The following ENTPD1 variants were observed in gnomAD, a reference collection of about 807,000 sequenced individuals.
ENTPD1 encodes ATP diphosphohydrolase.
Under a neutral mutation model 57.0 loss-of-function variants are expected in ENTPD1, and 33 were observed. The observed-to-expected ratio is 0.58, with a 90% CI of 0.44 to 0.77. The LOEUF is 0.77. Among genes scored for constraint, ENTPD1 ranks in the 30% least tolerant of loss-of-function variants. The pLI is 0.00. For missense variants in ENTPD1, 501 were observed against 603.4 expected, an observed-to-expected ratio of 0.83 and a Z score of 1.78; for synonymous variants, 202 against 218.8, an observed-to-expected ratio of 0.92 and a Z score of 0.68.
chr10:95,769,178 A>G lies in ENTPD1; in HGVS notation c.16+12923A>G, dbSNP rs1363639860. 4.6e-5 allele frequency among the ~76,000 whole-genome samples: 7 copies of G among 152,236 alleles called. No homozygotes were observed. The South Asian group carries it at 8.3e-4, about 18-fold the overall frequency. ...GACTAGGGCTGTCAGAGTTCTGTCA[A>G]TATGGTTGTCCAGAGGCATAAAGGC... is the stretch of plus-strand genomic sequence containing the variant. On this transcript the variant is annotated intron_variant, in intron 1 of 9. Transcript: ENST00000371205.
chr10:95,789,870 C>A (rs1353621616), intron 1 of ENTPD1, among the ~76,000 whole-genome samples: 1 of 152,206 alleles, frequency 6.6e-6, no homozygotes. Context: ...CCTCCTCTTG[C>A]TATTACAGTG....
chr10:95,769,693 G>A (rs958030714), intron 1 of ENTPD1, among the ~76,000 whole-genome samples: 6 of 152,178 alleles, frequency 3.9e-5, no homozygotes, highest in Non-Finnish European at 8.8e-5. Flanking sequence ...GAGACTAGTC[G>A]GGAGACTACT....
At chr10:95,735,442 A>G (rs940546027) in intron 1 of ENTPD1, among the ~76,000 whole-genome samples, 1 of 152,206 alleles carries the variant, frequency 6.6e-6, no homozygotes, top group Non-Finnish European at 1.5e-5. Context: ...TATGCGTAGT[A>G]TTTCATAGAA....
chr10:95,860,687 C>A, intron 8 of ENTPD1, 105 bp downstream of exon 8: 1 of 942,352 alleles, frequency 1.1e-6, no homozygotes, highest in Non-Finnish European at 1.7e-6. Flanking sequence ...TGACCAAGAT[C>A]CAGCAAATGT....
At chr10:95,743,121 T>A (rs780259949) in intron 1 of ENTPD1, among the ~76,000 whole-genome samples, 9 of 152,254 alleles carry the variant, frequency 5.9e-5, no homozygotes, top group Non-Finnish European at 1.3e-4. Context: ...AGGCTCCTCT[T>A]GGCTGTGAGA....
At chr10:95,797,891 A>C (rs1473008263) in intron 1 of ENTPD1, among the ~76,000 whole-genome samples, 1 of 152,180 alleles carries the variant, frequency 6.6e-6, no homozygotes, top group Admixed American at 6.5e-5. Context: ...AGAGAGTAGG[A>C]TGTCATTCCT....
chr10:95,780,861 G>A (rs570202094), intron 1 of ENTPD1, among the ~76,000 whole-genome samples: 39 of 152,274 alleles, frequency 2.6e-4, no homozygotes, highest in African/African-American at 9.1e-4. Context: ...TGTGACAGGA[G>A]TGGACTAAAA....
intron 1 of ENTPD1, among the ~76,000 whole-genome samples, chr10:95,816,253 G>T (rs1486754925): frequency 6.6e-6 from 1 of 152,146 alleles, no homozygotes. Context: ...ACCATCACCT[G>T]ATATTTCTAG....
intron 1 of ENTPD1, among the ~76,000 whole-genome samples, chr10:95,804,189 C>G (rs1385959094): frequency 6.6e-6 from 1 of 152,182 alleles, no homozygotes; most frequent in Non-Finnish European, 1.5e-5. Flanking sequence ...AATGTGGGCT[C>G]TCTTTTGGTT....
chr10:95,860,577 G>T lies in ENTPD1; in HGVS notation c.1183G>T (p.Glu395Ter). The change falls in exon 8 of 10, where the codon GAG becomes TAG. Residue 395 changes from glutamate (E) to a stop codon, truncating the protein, a stop_gained. Transcript: ENST00000371205. LOFTEE classifies it high-confidence loss of function. ...GAAAAAGTTCTGTGCTCAGCCTTGG[G>T]AGGAGGTAAGTGACTAGGCACAGCA... ...MMKKFCAQPW[E>*]EIKTSYAGVK... is the part of the protein sequence containing the mutation. The T allele has an allele frequency of 6.2e-7, 1 of 1,613,414 alleles. No individual in the cohort carries two copies. Among genetic ancestry groups the T allele is most frequent in the Non-Finnish European group, 8.5e-7 (1 of 1,179,502 alleles).
Position 95,869,957 on chromosome 10 carries a change from C to CA in ENTPD1, c.*3581dup. ...GCTACCATACTGGACAGCACATGTC[C>CA]AAAAAAATACACGTAAAGTTAAAGT... On this transcript the variant is annotated 3_prime_UTR_variant, in exon 10 of 10. Transcript: ENST00000371205. 5 of 985,284 alleles carry CA rather than the reference C, an allele frequency of 5.1e-6. No individual in the cohort carries two copies. Among genetic ancestry groups the CA allele is most frequent in the Non-Finnish European group, 6.0e-6 (5 of 829,888 alleles). 61.0% of individuals were successfully genotyped at this position (985,284 alleles called of 1,614,324 possible). A position where few individuals can be genotyped will look rare whatever the true frequency, so the allele number is the denominator to read the frequency against.
chr10:95,754,085 G>A (rs2098016582), upstream of ENTPD1: 2 of 152,004 alleles, frequency 1.3e-5, no homozygotes, highest in South Asian at 4.2e-4. Context: ...GAGGCGGGCG[G>A]ATCACCTGAG....
intron 1 of ENTPD1, among the ~76,000 whole-genome samples, chr10:95,724,108 G>A (rs1245413600): frequency 2.2e-5 from 3 of 134,768 alleles, no homozygotes; most frequent in Non-Finnish European, 4.6e-5. Flanking sequence ...CTTGCAGTGA[G>A]CCAAGATTGC....
chr10:95,814,174 G>A (rs951310441), intron 1 of ENTPD1, among the ~76,000 whole-genome samples: 9 of 152,178 alleles, frequency 5.9e-5, no homozygotes, highest in African/African-American at 1.4e-4. Flanking sequence ...GCCGGAAACA[G>A]CCTTCCTCCC....
At chr10:95,805,317 CT>C (rs202014571) in intron 1 of ENTPD1, among the ~76,000 whole-genome samples, 11,134 of 151,910 alleles carry the variant, frequency 0.073, 450 homozygotes, top group African/African-American at 0.097. Flanking sequence ...GCAACCCCTC[CT>C]TTTTTTTGCT....
chr10:95,872,139 A>G lies in ENTPD1; in HGVS notation c.*5756A>G. 1 of 985,432 alleles carries G rather than the reference A, an allele frequency of 1.0e-6. No individual in the cohort carries two copies. The highest frequency in any genetic ancestry group is 1.2e-6 in the Non-Finnish European group (1 of 829,932). 61.0% of individuals were successfully genotyped at this position (985,432 alleles called of 1,614,324 possible). On this transcript the variant is annotated 3_prime_UTR_variant, in exon 10 of 10. Transcript: ENST00000371205. The stretch of plus-strand genomic sequence containing the variant: ...TATTGCTCCAGTAAAGAGCTGTAAT[A>G]TATTTTACCTGGACTGATACCAGGA...
At chr10:95,809,029 C>T (rs549017792) in intron 1 of ENTPD1, among the ~76,000 whole-genome samples, 32 of 152,150 alleles carry the variant, frequency 2.1e-4, no homozygotes, top group Admixed American at 1.1e-3. Flanking sequence ...TCAGAGAGCA[C>T]GGGGTTGGGG....
At chr10:95,772,119 C>A (rs779631936) in intron 1 of ENTPD1, among the ~76,000 whole-genome samples, 2 of 152,196 alleles carry the variant, frequency 1.3e-5, no homozygotes, top group Non-Finnish European at 2.9e-5. Context: ...TGCTAACAGT[C>A]ATCTGAACCT....
At chr10:95,796,243 C>T (rs2098225326) in intron 1 of ENTPD1, among the ~76,000 whole-genome samples, 1 of 152,092 alleles carries the variant, frequency 6.6e-6, no homozygotes, top group Non-Finnish European at 1.5e-5. Flanking sequence ...TGCTCTGTCT[C>T]ATAGGGGAGA....
Sources: gnomAD v4.1 joint callset for allele counts (sites outside exome capture counted in the v4.1 genomes callset) on GRCh38, gnomAD v4.1.1 for gene constraint, MANE v1.5 for transcripts, NCBI Gene and HGNC (gene_info 2026-07-23, HGNC 2026-07-21) for gene names.